ACAN: variants seen among roughly 807,000 people sequenced by gnomAD.
ACAN encodes aggrecan.
A neutral mutation model predicts 169.1 loss-of-function variants in ACAN; 47 were observed. That is an observed-to-expected ratio of 0.28 (90% CI 0.22 to 0.35). The LOEUF is 0.35. ACAN is among the 10% of genes least tolerant of loss of function. ACAN has a pLI of 1.00. For missense variants in ACAN, 2,716 were observed against 2,759.9 expected (o/e 0.98, Z 0.36); for synonymous variants, 1,115 against 1,112.2 (o/e 1.00, Z -0.05).
chr15:88,859,095 A>G lies in ACAN; in HGVS notation c.6510A>G (p.Glu2170=). 1 of 1,613,878 alleles carries G rather than the reference A, an allele frequency of 6.2e-7. No individual in the cohort carries two copies. Among genetic ancestry groups the G allele is most frequent in the East Asian group, 2.2e-5 (1 of 44,888 alleles). The change falls in exon 12 of 19, where the codon GAA becomes GAG. Residue 2170 remains glutamate (E), a synonymous_variant. Transcript: ENST00000560601. ...EASAAPEVSG[E]STTTSDVGTE... ...CCGCTGCCCCAGAAGTGAGTGGAGAATCCACCACCACCAGTGATGTGGGGA... is the reference window on the plus strand; with the variant it reads ...CCGCTGCCCCAGAAGTGAGTGGAGAGTCCACCACCACCAGTGATGTGGGGA...
chr15:88,859,102 A>G lies in ACAN; in HGVS notation c.6517A>G (p.Thr2173Ala). ...CCCAGAAGTGAGTGGAGAATCCACC[A>G]CCACCAGTGATGTGGGGACAGAGGC... ...AAPEVSGEST[T>A]TSDVGTEAPG... Residue 2173 changes from threonine to alanine, a missense_variant, in exon 12 of 19, where the codon ACC becomes GCC. This residue lies in a region of ACAN where 1,389 missense variants were observed against 1,363.7 expected (regional missense o/e 1.02). Coordinates refer to ENST00000560601, the MANE Select transcript of ACAN (RefSeq NM_001369268.1). 1.2e-6 allele frequency: 2 copies of G among 1,613,812 alleles called. No individual in the cohort carries two copies. The highest frequency in any genetic ancestry group is 1.1e-5 in the South Asian group (1 of 91,080).
intron 1 of ACAN, among the ~76,000 whole-genome samples, chr15:88,831,996 A>G (rs1047045934): frequency 6.6e-6 from 1 of 152,128 alleles, no homozygotes; most frequent in Admixed American, 6.5e-5. Flanking sequence ...TCTTGGATGT[A>G]AATTATAATG....
intron 1 of ACAN, among the ~76,000 whole-genome samples, chr15:88,805,811 T>C (rs532051313): frequency 6.6e-6 from 1 of 152,328 alleles, no homozygotes; most frequent in East Asian, 1.9e-4. Context: ...GAATATTTTG[T>C]TTAATGTTCG....
Position 88,830,831 on chromosome 15 carries a change from AT to A in ACAN, c.-7-5366del, listed in dbSNP as rs538612216. Among the ~76,000 whole-genome samples, 757 of 152,286 alleles carry A rather than the reference AT, an allele frequency of 5.0e-3. 3 individuals are homozygous for A. Among genetic ancestry groups the A allele is most frequent in the Middle Eastern group, 0.031 (9 of 294 alleles). On this transcript the variant is annotated intron_variant, in intron 1 of 18. Coordinates refer to ENST00000560601, the MANE Select transcript of ACAN (RefSeq NM_001369268.1). ...ACACTGTACACTTAGGCTACACTAA[AT>A]TTGTAAAAATAAATAAAGTAATTGC...
rs1206930988 is a variant in ACAN, at chr15:88,868,112, G to A, written c.6947-104G>A. 1.6e-6 allele frequency: 1 copy of A among 626,476 alleles called. No individual in the cohort carries two copies. The highest frequency in any genetic ancestry group is 2.8e-5 in the East Asian group (1 of 35,976). The allele number at this position is 626,476 out of a possible 1,614,324, so 38.8% of individuals were successfully genotyped here. On this transcript the variant is annotated intron_variant, in intron 13 of 18. Coordinates refer to ENST00000560601, the MANE Select transcript of ACAN (RefSeq NM_001369268.1). This position sits in a 1 kb window ranked among gnomAD's most constrained non-coding sequence, Gnocchi z 5.2. ...GGAAAACCAGCCAGTTCCCTCCCAG[G>A]GGTCTGGAGAGCAGCAGGACTGGCC...
At position 88,872,548 on chromosome 15, in the gene ACAN, C is replaced by T. The variant is rs1488786601; in HGVS notation, c.7303-333C>T. ...AGAGCTGTGTTCCTACCATCCATCC[C>T]TACCCAATGTGGTCAGCCCTGGTTG... is the stretch of plus-strand genomic sequence containing the variant. On this transcript the variant is annotated intron_variant, in intron 16 of 18. Coordinates refer to ENST00000560601, the MANE Select transcript of ACAN (RefSeq NM_001369268.1). The surrounding 1 kb of genome is among the most constrained non-coding windows in gnomAD (Gnocchi z 5.4). 1.3e-5 allele frequency among the ~76,000 whole-genome samples: 2 copies of T among 152,084 alleles called. No individual in the cohort carries two copies. The highest frequency in any genetic ancestry group is 1.3e-4 in the Admixed American group (2 of 15,264).
At position 88,849,977 on chromosome 15, in the gene ACAN, A is replaced by G; in HGVS notation, c.2026+246A>G. Reference sequence around the variant, plus strand: ...ACTTGAGCTGGTATTTATGTCTACTAGAAATGAAGCAGACCTGAATTTGAG... The same window carrying G: ...ACTTGAGCTGGTATTTATGTCTACTGGAAATGAAGCAGACCTGAATTTGAG... On this transcript the variant is annotated intron_variant, in intron 10 of 18. Coordinates refer to ENST00000560601, the MANE Select transcript of ACAN (RefSeq NM_001369268.1). The surrounding 1 kb of genome is among the most constrained non-coding windows in gnomAD (Gnocchi z 5.1). The G allele has an allele frequency of 9.5e-6, 6 of 633,330 alleles. No homozygotes were observed. In the Middle Eastern group the frequency reaches 1.0e-3, roughly 105 times the overall value. The allele number at this position is 633,330 out of a possible 1,614,324, so 39.2% of individuals were successfully genotyped here. A position where few individuals can be genotyped will look rare whatever the true frequency, so the allele number is the denominator to read the frequency against.
intron 1 of ACAN, among the ~76,000 whole-genome samples, chr15:88,829,876 A>T (rs1896316435): frequency 6.6e-6 from 1 of 152,204 alleles, no homozygotes; most frequent in African/African-American, 2.4e-5. Flanking sequence ...TTCATTTAAG[A>T]CTTGATTTTC....
rs1393798191 is a variant in ACAN at position 88,870,832 on chromosome 15, G to A, written c.7061-550G>A. Among the ~76,000 whole-genome samples, 1 of 152,122 alleles carries A rather than the reference G, an allele frequency of 6.6e-6. No individual in the cohort carries two copies. Among genetic ancestry groups the A allele is most frequent in the Non-Finnish European group, 1.5e-5 (1 of 68,036 alleles). On this transcript the variant is annotated intron_variant, in intron 14 of 18. Transcript: ENST00000560601. This position sits in a 1 kb window ranked among gnomAD's most constrained non-coding sequence, Gnocchi z 6.3. ...AAGCCAACTCTGATCAACAGCCTTA[G>A]AGCTCTGAGTCTTCTCCAGACCCCA...
rs1384983000 is a variant in ACAN at position 88,869,384 on chromosome 15, AG to A, written c.7060+1057del. ...TAGTTTTGGGTTTCATATTCCTTTG[AG>A]GCACTGCCAAGGTTACAGACTGGTA... is the stretch of plus-strand genomic sequence containing the variant. On this transcript the variant is annotated intron_variant, in intron 14 of 18. Coordinates refer to ENST00000560601, the MANE Select transcript of ACAN (RefSeq NM_001369268.1). The surrounding 1 kb of genome is among the most constrained non-coding windows in gnomAD (Gnocchi z 4.2). Among the ~76,000 whole-genome samples the A allele has an allele frequency of 1.3e-5, 2 of 152,016 alleles. No individual in the cohort carries two copies. The highest frequency in any genetic ancestry group is 2.9e-5 in the Non-Finnish European group (2 of 67,994).
intron 1 of ACAN, among the ~76,000 whole-genome samples, chr15:88,819,489 T>G (rs1896021147): frequency 6.6e-6 from 1 of 151,702 alleles, no homozygotes; most frequent in Non-Finnish European, 1.5e-5. Flanking sequence ...TTGGCTGGAT[T>G]CAGGGACTCA....
At chr15:88,842,515 C>G (rs1328443874) in intron 5 of ACAN, among the ~76,000 whole-genome samples, 5 of 134,150 alleles carry the variant, frequency 3.7e-5, no homozygotes, top group African/African-American at 1.2e-4. Flanking sequence ...TGCCCATCCC[C>G]CCTCCCCCCT....
chr15:88,872,375 C>T lies in ACAN; in HGVS notation c.7302+290C>T, dbSNP rs1051996798. On this transcript the variant is annotated intron_variant, in intron 16 of 18. Transcript: ENST00000560601. The surrounding 1 kb of genome is among the most constrained non-coding windows in gnomAD (Gnocchi z 5.4). ...GCTTTAGAGAGGTTTCTTGCCCACA[C>T]TGAACTCGAGTCTACTCAAGGAGAC... Among the ~76,000 whole-genome samples the T allele has an allele frequency of 6.6e-6, 1 of 152,178 alleles. No homozygotes were observed. The highest frequency in any genetic ancestry group is 6.5e-5 in the Admixed American group (1 of 15,278).
At chr15:88,804,353 A>G (rs892397015) in intron 1 of ACAN, among the ~76,000 whole-genome samples, 1 of 152,210 alleles carries the variant, frequency 6.6e-6, no homozygotes, top group Non-Finnish European at 1.5e-5. Context: ...TAGATAGTCC[A>G]TCCTTGGCCA....
intron 13 of ACAN, among the ~76,000 whole-genome samples, chr15:88,864,388 C>A (rs1312429762): frequency 1.3e-5 from 2 of 151,966 alleles, no homozygotes; most frequent in Admixed American, 1.3e-4. Flanking sequence ...CTGCCTCAGC[C>A]TCCCAAGTAG....
At position 88,845,887 on chromosome 15, in the gene ACAN, G is replaced by A; in HGVS notation, c.1429+5G>A. 1 of 1,449,342 alleles carries A rather than the reference G, an allele frequency of 6.9e-7. No homozygotes were observed. The highest frequency in any genetic ancestry group is 9.1e-7 in the Non-Finnish European group (1 of 1,097,696). 89.8% of individuals were successfully genotyped at this position (1,449,342 alleles called of 1,614,324 possible). A position where few individuals can be genotyped will look rare whatever the true frequency, so the allele number is the denominator to read the frequency against. On this transcript the variant is annotated splice_donor_5th_base_variant and intron_variant, in intron 7 of 18. Transcript: ENST00000560601. ...GGCAGCCGCATTTGCCAGGGGGTAAGTAGCTGCCCGTGGGTGCATCCAGGG... is the reference window on the plus strand; with the variant it reads ...GGCAGCCGCATTTGCCAGGGGGTAAATAGCTGCCCGTGGGTGCATCCAGGG...
In ACAN at chr15:88,857,741, C is replaced by T. The variant is rs762862465; in HGVS notation, c.5156C>T (p.Ala1719Val). The T allele has an allele frequency of 3.1e-6, 5 of 1,613,854 alleles. No individual in the cohort carries two copies. The highest frequency in any genetic ancestry group is 3.4e-6 in the Non-Finnish European group (4 of 1,179,894). Residue 1719 changes from alanine (A) to valine (V), a missense_variant, in exon 12 of 19, where the codon GCA (alanine) becomes GTA (valine). Ala to Val is a moderately conservative substitution (Grantham distance 64, BLOSUM62 0). Transcript: ENST00000560601. ...LPSGTELSGQ[A>V]SGSPDVSGEI... ...TCAGGAACTGAACTCAGTGGCCAAG[C>T]ATCTGGGTCTCCTGATGTCAGTGGG...
In ACAN at chr15:88,871,490, AGTCACACCTGAGCAGCATC is replaced by A; in HGVS notation, c.7175_7193del (p.His2392ProfsTer20). The A allele has an allele frequency of 6.2e-7, 1 of 1,613,826 alleles. No individual in the cohort carries two copies. The highest frequency in any genetic ancestry group is 8.5e-7 in the Non-Finnish European group (1 of 1,179,846). On this transcript the variant is annotated frameshift_variant, in exon 15 of 19. Transcript: ENST00000560601. LOFTEE classifies it high-confidence loss of function. This position sits in a 1 kb window ranked among gnomAD's most constrained non-coding sequence, Gnocchi z 7.8. ...GCTGAGCGCCGGTGTCGGGAGCAGC[AGTCACACCTGAGCAGCATC>A]GTCACCCCCGAGGAGCAGGAGTTTG... is the stretch of plus-strand genomic sequence containing the variant.
intron 1 of ACAN, among the ~76,000 whole-genome samples, chr15:88,825,670 A>G (rs1896196956): frequency 6.6e-6 from 1 of 152,220 alleles, no homozygotes; most frequent in African/African-American, 2.4e-5. Flanking sequence ...AGGTATTACT[A>G]GCAGGGACAT....
Sources: gnomAD v4.1 joint callset for allele counts (sites outside exome capture counted in the v4.1 genomes callset) on GRCh38, gnomAD v4.1.1 for gene constraint, gnomAD v4.1.1 regional missense constraint, Gnocchi (gnomAD v3.1) non-coding constraint, MANE v1.5 for transcripts, NCBI Gene and HGNC (gene_info 2026-07-23, HGNC 2026-07-21) for gene names.